ZHX3: variants seen among roughly 807,000 people sequenced by gnomAD.
The protein encoded by ZHX3 is zinc fingers and homeoboxes 3.
ZHX3 carries 20 observed loss-of-function variants against 64.5 expected under a neutral mutation model. The ratio of observed to expected loss-of-function variants is 0.31; its 90% CI spans 0.22 to 0.45. ZHX3 has a LOEUF of 0.45. Ranked by LOEUF, ZHX3 falls within the 20% of genes least tolerant of loss-of-function variation. The pLI, the probability that ZHX3 is intolerant of heterozygous loss-of-function variation, is 1.00. For synonymous variants in ZHX3, 423 were observed against 461.6 expected, an observed-to-expected ratio of 0.92 and a Z score of 1.07; for missense variants, 1,041 against 1,195.8, an observed-to-expected ratio of 0.87 and a Z score of 1.91.
At chr20:41,275,586 C>A (rs762255675) in intron 1 of ZHX3, among the ~76,000 whole-genome samples, 1 of 152,184 alleles carries the variant, frequency 6.6e-6, no homozygotes, top group Non-Finnish European at 1.5e-5. Flanking sequence ...GAGTCTGATG[C>A]CAAGCAATCA....
intron 3 of ZHX3, among the ~76,000 whole-genome samples, chr20:41,192,692 C>T (rs1480926035): frequency 6.6e-6 from 1 of 152,228 alleles, no homozygotes; most frequent in East Asian, 1.9e-4. Flanking sequence ...ACACCTCAGC[C>T]CTGGCACTCA....
At position 41,195,382 on chromosome 20, in the gene ZHX3, C is replaced by A. The variant is rs1283580386; in HGVS notation, c.2860+6675G>T. 6.6e-6 allele frequency among the ~76,000 whole-genome samples: 1 copy of A among 152,042 alleles called. No homozygotes were observed. The highest frequency in any genetic ancestry group is 1.5e-5 in the Non-Finnish European group (1 of 67,996). ...CCTCCTGCCTTGGCCTCCCAAAGCA[C>A]TGGGATTATAGATGCAAGCCACCAT... On this transcript the variant is annotated intron_variant, in intron 3 of 3. Coordinates refer to ENST00000683867, the MANE Select transcript of ZHX3 (RefSeq NM_001384317.1). This position sits in a 1 kb window ranked among gnomAD's most constrained non-coding sequence, Gnocchi z 4.2.
intron 1 of ZHX3, among the ~76,000 whole-genome samples, chr20:41,288,745 T>C (rs80209757): frequency 0.01 from 1,543 of 152,342 alleles, 12 homozygotes; most frequent in Non-Finnish European, 0.013. Context: ...CCCTGGTCTA[T>C]AGTTAGTCAT....
In ZHX3 at chr20:41,309,187, A is replaced by AG. The variant is rs2045060762; in HGVS notation, c.-245+8321dup. Among the ~76,000 whole-genome samples, 4 of 152,156 alleles carry AG rather than the reference A, an allele frequency of 2.6e-5. No individual in the cohort carries two copies. In the South Asian group the frequency reaches 6.2e-4, roughly 24 times the overall value. ...TTGTCAGTGTGTTTGCCTCTGATAG[A>AG]GCATTCTTAGTTCACTGTTTCTGAT... On this transcript the variant is annotated intron_variant, in intron 1 of 3. Transcript: ENST00000683867.
intron 2 of ZHX3, among the ~76,000 whole-genome samples, chr20:41,208,762 T>C (rs1164768999): frequency 6.6e-6 from 1 of 152,162 alleles, no homozygotes; most frequent in Non-Finnish European, 1.5e-5. Flanking sequence ...ACTGGAAGCA[T>C]TCCCTTTGAA....
intron 1 of ZHX3, among the ~76,000 whole-genome samples, chr20:41,315,345 GC>G (rs1278816522): frequency 4.1e-5 from 5 of 122,814 alleles, no homozygotes; most frequent in Non-Finnish European, 8.2e-5. Context: ...ACCAGGCCTG[GC>G]TTTTTTTTTT....
chr20:41,252,497 A>T (rs181073727), intron 2 of ZHX3, among the ~76,000 whole-genome samples: 98 of 152,316 alleles, frequency 6.4e-4, no homozygotes, highest in African/African-American at 2.3e-3. Flanking sequence ...TCATCCCGCG[A>T]TGCTGGTGGC....
chr20:41,249,337 T>C (rs1400666298), intron 2 of ZHX3, among the ~76,000 whole-genome samples: 1 of 152,152 alleles, frequency 6.6e-6, no homozygotes, highest in African/African-American at 2.4e-5. Context: ...GGAAACAACA[T>C]TGACCAAAAG....
rs1476320686 is a variant in ZHX3, at chr20:41,183,514, TGGAGCCACATGAGCACG to T, written c.*1660_*1676del. 2 of 152,236 alleles carry T rather than the reference TGGAGCCACATGAGCACG, an allele frequency of 1.3e-5. No individual in the cohort carries two copies. Among genetic ancestry groups the T allele is most frequent in the African/African-American group, 4.8e-5 (2 of 41,468 alleles). The allele number at this position is 152,236 out of a possible 1,614,324, so 9.4% of individuals were successfully genotyped here. On this transcript the variant is annotated 3_prime_UTR_variant, in exon 4 of 4. Coordinates refer to ENST00000683867, the MANE Select transcript of ZHX3 (RefSeq NM_001384317.1). The surrounding 1 kb of genome is among the most constrained non-coding windows in gnomAD (Gnocchi z 5.3). ...AAGGGGCCACCGCCATGCTTGTCCT[TGGAGCCACATGAGCACG>T]GTGCCCTGCCAGGTCCAGTTCCCTG...
chr20:41,259,811 T>A (rs1468545155), intron 2 of ZHX3, among the ~76,000 whole-genome samples: 1 of 152,230 alleles, frequency 6.6e-6, no homozygotes, highest in Non-Finnish European at 1.5e-5. Flanking sequence ...ATTATTTATT[T>A]AGTCTGTAAC....
chr20:41,246,938 T>G (rs1236582162), intron 2 of ZHX3, among the ~76,000 whole-genome samples: 5 of 151,646 alleles, frequency 3.3e-5, no homozygotes, highest in Middle Eastern at 6.9e-3. Context: ...TTAGCAGTAC[T>G]ATGATTTATA....
At chr20:41,189,798 T>C (rs1386499127) in intron 3 of ZHX3, among the ~76,000 whole-genome samples, 1 of 152,206 alleles carries the variant, frequency 6.6e-6, no homozygotes, top group East Asian at 1.9e-4. Flanking sequence ...TTTTCTCTTT[T>C]CCAATTTGGA....
At chr20:41,302,020 C>T (rs1244337083) in intron 1 of ZHX3, among the ~76,000 whole-genome samples, 1 of 137,988 alleles carries the variant, frequency 7.2e-6, no homozygotes, top group Non-Finnish European at 1.5e-5. Flanking sequence ...CGCCACTGCA[C>T]TCCAGCCTGG....
In ZHX3 at chr20:41,248,278, T is replaced by G. The variant is rs140683699; in HGVS notation, c.-151+20712A>C. The stretch of plus-strand genomic sequence containing the variant: ...GTGTCTTGTACATTTTTCTACTACT[T>G]TGCACCTGTGCCTGTCATACAACGA... On this transcript the variant is annotated intron_variant, in intron 2 of 3. Coordinates refer to ENST00000683867, the MANE Select transcript of ZHX3 (RefSeq NM_001384317.1). Among the ~76,000 whole-genome samples the G allele has an allele frequency of 3.2e-3, 485 of 152,226 alleles. 1 individual carries two copies. Among genetic ancestry groups the G allele is most frequent in the Non-Finnish European group, 5.0e-3 (339 of 68,008 alleles).
intron 2 of ZHX3, among the ~76,000 whole-genome samples, chr20:41,217,631 A>G (rs989592741): frequency 3.3e-5 from 5 of 152,206 alleles, no homozygotes; most frequent in Admixed American, 3.3e-4. Flanking sequence ...GGAAGTTTCC[A>G]TGACCGAAAA....
chr20:41,299,751 A>G (rs1445778448), intron 1 of ZHX3, among the ~76,000 whole-genome samples: 3 of 151,784 alleles, frequency 2.0e-5, no homozygotes, highest in African/African-American at 7.3e-5. Flanking sequence ...ATTCCCAGTT[A>G]CTCAGGAGGC....
rs541425583 is a variant in ZHX3, at chr20:41,181,387, A to G, written c.*3804T>C. ...CCCAGGTAAACTCTGAGCAAGAAAA[A>G]AGAGAAGATGACTTTAGGAAAATCC... is the stretch of plus-strand genomic sequence containing the variant. On this transcript the variant is annotated 3_prime_UTR_variant, in exon 4 of 4. Coordinates refer to ENST00000683867, the MANE Select transcript of ZHX3 (RefSeq NM_001384317.1). 1 of 152,340 alleles carries G rather than the reference A, an allele frequency of 6.6e-6. No individual in the cohort carries two copies. Among genetic ancestry groups the G allele is most frequent in the South Asian group, 2.1e-4 (1 of 4,822 alleles). The allele number at this position is 152,340 out of a possible 1,614,324, so 9.4% of individuals were successfully genotyped here.
At chr20:41,282,643 C>T (rs2043747000) in intron 1 of ZHX3, among the ~76,000 whole-genome samples, 1 of 152,152 alleles carries the variant, frequency 6.6e-6, no homozygotes, top group African/African-American at 2.4e-5. Flanking sequence ...CAGGCGTAAG[C>T]CACCGCACCC....
rs545664258 is a variant in ZHX3 at position 41,305,792 on chromosome 20, TATAA to T, written c.-245+11713_-245+11716del. Among the ~76,000 whole-genome samples, 94 of 151,556 alleles carry T rather than the reference TATAA, an allele frequency of 6.2e-4. 1 individual carries two copies. The highest frequency in any genetic ancestry group is 3.9e-3 in the East Asian group (20 of 5,158). ...GAGCGAGACTCTGTCTCAAAAAAAA[TATAA>T]ATAAATAAATAAATAAATAAACCCC... On this transcript the variant is annotated intron_variant, in intron 1 of 3. Transcript: ENST00000683867.
Sources: gnomAD v4.1 joint callset for allele counts (sites outside exome capture counted in the v4.1 genomes callset) on GRCh38, gnomAD v4.1.1 for gene constraint, Gnocchi (gnomAD v3.1) non-coding constraint, MANE v1.5 for transcripts, NCBI Gene and HGNC (gene_info 2026-07-23, HGNC 2026-07-21) for gene names.